The following ZNF91 variants were observed in gnomAD, a reference collection of about 807,000 sequenced individuals.
ZNF91 encodes the protein zinc finger protein 91.
Under a neutral mutation model 12.6 loss-of-function variants are expected in ZNF91, and 7 were observed. That is an observed-to-expected ratio of 0.55 (90% CI 0.31 to 1.04). The LOEUF (loss-of-function observed/expected upper bound fraction) is 1.04. Ranked by LOEUF, ZNF91 falls within the 50% of genes least tolerant of loss-of-function variation. ZNF91 has a pLI of 0.05. For synonymous variants in ZNF91, 453 were observed against 462.6 expected, an observed-to-expected ratio of 0.98 and a Z score of 0.27; for missense variants, 1,217 against 1,385.4, an observed-to-expected ratio of 0.88 and a Z score of 1.93.
At chr19:23,319,277 C>T (rs1967634211) in intron 1 of ZNF91, among the ~76,000 whole-genome samples, 1 of 152,236 alleles carries the variant, frequency 6.6e-6, no homozygotes, top group African/African-American at 2.4e-5. Flanking sequence ...TGTATTGTGA[C>T]ATATGGCCTA....
chr19:23,369,558 A>C (rs1300484174), intron 3 of ZNF91, among the ~76,000 whole-genome samples: 1 of 152,182 alleles, frequency 6.6e-6, no homozygotes, highest in Non-Finnish European at 1.5e-5. Flanking sequence ...GTTTTGTCGA[A>C]TAGAAAAGGG....
intron 3 of ZNF91, among the ~76,000 whole-genome samples, chr19:23,370,661 T>C (rs1969240748): frequency 6.6e-6 from 1 of 152,066 alleles, no homozygotes; most frequent in African/African-American, 2.4e-5. Context: ...CCATCATGCC[T>C]GGATATTTCT....
intron 3 of ZNF91, among the ~76,000 whole-genome samples, chr19:23,343,395 G>T (rs529439496): frequency 6.6e-6 from 1 of 152,334 alleles, no homozygotes; most frequent in African/African-American, 2.4e-5. Context: ...TCTAGTGATA[G>T]AACCTGGGTT....
At chr19:23,387,987 T>G (rs969757573) in intron 1 of ZNF91, among the ~76,000 whole-genome samples, 1 of 146,004 alleles carries the variant, frequency 6.8e-6, no homozygotes, top group African/African-American at 2.6e-5. Flanking sequence ...GGCTCATGCC[T>G]GTAATCCCAG....
At chr19:23,380,580 A>G (rs1170097371) in intron 1 of ZNF91, 1 of 152,204 alleles carries the variant, frequency 6.6e-6, no homozygotes, top group East Asian at 1.9e-4. Flanking sequence ...TCTCATTCCG[A>G]GAAAGATTAT....
chr19:23,357,256 CAATT>C (rs1488781546), downstream of ZNF91, among the ~76,000 whole-genome samples: 1 of 125,092 alleles, frequency 8.0e-6, no homozygotes, highest in Non-Finnish European at 1.7e-5. Context: ...CAACAACAAA[CAATT>C]AAGCAAACAA....
At chr19:23,314,817 T>C (rs953334224), upstream of ZNF91, among the ~76,000 whole-genome samples, 4 of 152,224 alleles carry the variant, frequency 2.6e-5, no homozygotes, top group Non-Finnish European at 2.9e-5. Context: ...TAAAAGAGAT[T>C]GCAATTTATT....
intron 1 of ZNF91, among the ~76,000 whole-genome samples, chr19:23,309,631 T>C (rs1364518790): frequency 2.0e-5 from 3 of 152,158 alleles, no homozygotes; most frequent in African/African-American, 7.2e-5. Context: ...ACAGGTAGGA[T>C]TTTGACATAT....
intron 3 of ZNF91, among the ~76,000 whole-genome samples, chr19:23,370,144 A>C (rs1046367059): frequency 7.9e-5 from 12 of 152,144 alleles, no homozygotes; most frequent in Admixed American, 6.5e-4. Context: ...CAGCAATTCC[A>C]TTTATGAATC....
downstream of ZNF91, among the ~76,000 whole-genome samples, chr19:23,352,809 T>C (rs1968400161): frequency 6.6e-6 from 1 of 152,186 alleles, no homozygotes; most frequent in Non-Finnish European, 1.5e-5. Context: ...GGGTAGCTAT[T>C]CTTATACCAG....
chr19:23,358,951 G>T lies in ZNF91; in HGVS notation c.*452C>A. ...TTTACCACATTATTCACACTTGTAA[G>T]ATTTCTCTCCAATATGAGTTATCTT... On this transcript the variant is annotated 3_prime_UTR_variant, in exon 4 of 4. Transcript: ENST00000300619. The T allele has an allele frequency of 2.9e-6, 1 of 343,534 alleles. No individual in the cohort carries two copies. Among genetic ancestry groups the T allele is most frequent in the Non-Finnish European group, 5.7e-6 (1 of 176,438 alleles). 21.3% of individuals were successfully genotyped at this position (343,534 alleles called of 1,614,324 possible).
At chr19:23,392,422 AAT>A (rs1482906933) in intron 1 of ZNF91, among the ~76,000 whole-genome samples, 2 of 151,820 alleles carry the variant, frequency 1.3e-5, no homozygotes, top group African/African-American at 4.8e-5. Flanking sequence ...AAGAAAAAAA[AAT>A]AGTCACATGG....
chr19:23,359,507 T>G lies in ZNF91; in HGVS notation c.3472A>C (p.Ile1158Leu). The change falls in exon 4 of 4, where the codon ATC becomes CTC. Residue 1158 changes from isoleucine (I) to leucine (L), a missense_variant. Physicochemically the swap from Ile to Leu is conservative, Grantham distance 5. This residue lies in a region of ZNF91 where 491 missense variants were observed against 489.8 expected (regional missense o/e 1.00). Transcript: ENST00000300619. ...ILTNHKKIHT[I>L]TPVIPLLWEA... ...CAAAGTAGTGGGATTACAGGTGTGATAGTATGAATTTTCTTATGGTTAGTA... is the reference window on the plus strand; with the variant it reads ...CAAAGTAGTGGGATTACAGGTGTGAGAGTATGAATTTTCTTATGGTTAGTA... 1.2e-6 allele frequency: 2 copies of G among 1,613,636 alleles called. No homozygotes were observed. Among genetic ancestry groups the G allele is most frequent in the Non-Finnish European group, 1.7e-6 (2 of 1,179,680 alleles).
At chr19:23,348,913 G>A (rs1012540101) in intron 3 of ZNF91, among the ~76,000 whole-genome samples, 4 of 152,138 alleles carry the variant, frequency 2.6e-5, no homozygotes, top group Admixed American at 2.6e-4. Context: ...TAGGCCTACA[G>A]ATGACTGTTC....
intron 1 of ZNF91, among the ~76,000 whole-genome samples, chr19:23,321,293 T>A (rs1967689244): frequency 6.6e-6 from 1 of 152,160 alleles, no homozygotes; most frequent in South Asian, 2.1e-4. Flanking sequence ...ACAGGAGGCA[T>A]TGTGGCATAT....
upstream of ZNF91, among the ~76,000 whole-genome samples, chr19:23,311,723 G>A (rs1369886289): frequency 6.6e-6 from 1 of 152,160 alleles, no homozygotes; most frequent in Non-Finnish European, 1.5e-5. Context: ...TGCTCAGCAG[G>A]TGATATAACT....
chr19:23,320,311 T>C (rs1568366511), intron 1 of ZNF91, among the ~76,000 whole-genome samples: 1 of 152,242 alleles, frequency 6.6e-6, no homozygotes, highest in Non-Finnish European at 1.5e-5. Context: ...CATGGGCTCA[T>C]ATCAGCATGA....
chr19:23,322,497 T>TA (rs1967718474), intron 1 of ZNF91, among the ~76,000 whole-genome samples: 1 of 152,176 alleles, frequency 6.6e-6, no homozygotes. Flanking sequence ...TCCACAGGTG[T>TA]ATTACCACAT....
intron 3 of ZNF91, among the ~76,000 whole-genome samples, chr19:23,340,420 G>C (rs952553664): frequency 3.3e-5 from 5 of 152,018 alleles, no homozygotes; most frequent in African/African-American, 1.2e-4. Context: ...TCACAAACCT[G>C]AAAACCTAGA....
Sources: allele counts gnomAD v4.1 joint callset (sites outside exome capture counted in the v4.1 genomes callset), GRCh38; gene constraint gnomAD v4.1.1; regional missense constraint gnomAD v4.1.1; transcripts MANE v1.5; gene names NCBI Gene and HGNC (gene_info 2026-07-23, HGNC 2026-07-21).